Variants in BMPR1A observed in about 807,000 individuals in gnomAD.
BMPR1A encodes bone morphogenetic protein receptor type-1A.
BMPR1A carries 7 observed loss-of-function variants against 66.0 expected under a neutral mutation model. That is an observed-to-expected ratio of 0.11 (90% confidence interval 0.06 to 0.20). The LOEUF is 0.20. Ranked by LOEUF, BMPR1A falls within the 10% of genes least tolerant of loss-of-function variation. The pLI, the probability that BMPR1A is intolerant of heterozygous loss-of-function variation, is 1.00. For missense variants in BMPR1A, 408 were observed against 669.1 expected, an observed-to-expected ratio of 0.61 and a Z score of 4.31; for synonymous variants, 200 against 229.7, an observed-to-expected ratio of 0.87 and a Z score of 1.17.
intron 1 of BMPR1A, among the ~76,000 whole-genome samples, chr10:86,767,240 T>C (rs552266015): frequency 6.6e-6 from 1 of 152,382 alleles, no homozygotes; most frequent in Admixed American, 6.5e-5. Flanking sequence ...ATTTGTCTTA[T>C]ACTCTCAACT....
At chr10:86,822,027 G>A (rs138409317) in intron 1 of BMPR1A, among the ~76,000 whole-genome samples, 1 of 152,090 alleles carries the variant, frequency 6.6e-6, no homozygotes, top group East Asian at 1.9e-4. Context: ...GTCTCGAACT[G>A]CATGTTCCCA....
chr10:86,829,754 T>TA (rs1321549301), intron 1 of BMPR1A, among the ~76,000 whole-genome samples: 1 of 152,228 alleles, frequency 6.6e-6, no homozygotes, highest in Non-Finnish European at 1.5e-5. Flanking sequence ...CAACAGTTCT[T>TA]TCCTTTTTAT....
intron 2 of BMPR1A, among the ~76,000 whole-genome samples, chr10:86,842,705 A>G (rs538749040): frequency 1.6e-4 from 24 of 152,336 alleles, no homozygotes; most frequent in Admixed American, 2.0e-4. Context: ...TGTAAAGGAA[A>G]GAGGTTTAAT....
chr10:86,774,733 G>A (rs999821472), intron 1 of BMPR1A, among the ~76,000 whole-genome samples: 5 of 152,180 alleles, frequency 3.3e-5, no homozygotes, highest in Admixed American at 6.5e-5. Flanking sequence ...TGATACTATC[G>A]GATAAAGCTA....
At chr10:86,848,071 A>G (rs980852546) in intron 2 of BMPR1A, among the ~76,000 whole-genome samples, 2 of 151,858 alleles carry the variant, frequency 1.3e-5, no homozygotes, top group Non-Finnish European at 2.9e-5. Flanking sequence ...AGCTGGGACT[A>G]CAGGCGCCTG....
chr10:86,893,624 T>C (rs569251529), intron 5 of BMPR1A, among the ~76,000 whole-genome samples: 38 of 151,980 alleles, frequency 2.5e-4, no homozygotes, highest in Non-Finnish European at 4.6e-4. Flanking sequence ...CCGTCTCTAC[T>C]AAAAATACAA....
At chr10:86,795,007 A>G (rs1186914965) in intron 1 of BMPR1A, among the ~76,000 whole-genome samples, 5 of 151,770 alleles carry the variant, frequency 3.3e-5, no homozygotes, top group Admixed American at 3.3e-4. Context: ...ATGCACCACC[A>G]CAACTAGCTA....
At chr10:86,931,280 T>TACACACAC (rs1271685565), downstream of BMPR1A, 56 of 96,650 alleles carry the variant, frequency 5.8e-4, 1 homozygote, top group East Asian at 5.4e-3. Flanking sequence ...TATATATATA[T>TACACACAC]ACACACACAC....
intron 2 of BMPR1A, among the ~76,000 whole-genome samples, chr10:86,842,101 A>G (rs1004664711): frequency 3.3e-5 from 5 of 152,172 alleles, no homozygotes; most frequent in Admixed American, 6.5e-5. Flanking sequence ...AGCACAGGTA[A>G]AATAACCTGG....
In BMPR1A at chr10:86,890,116, A is replaced by G. The variant is rs1363945274; in HGVS notation, c.122A>G (p.Gln41Arg). 1 of 1,613,944 alleles carries G rather than the reference A, an allele frequency of 6.2e-7. No homozygotes were observed. Among genetic ancestry groups the G allele is most frequent in the African/African-American group, 1.3e-5 (1 of 74,936 alleles). The stretch of plus-strand genomic sequence containing the variant: ...ACTGGGATGAAATCAGACTCCGACC[A>G]GAAAAAGTCAGAAAATGGAGTAACC... ...HGTGMKSDSD[Q>R]KKSENGVTLA... The change falls in exon 4 of 13, where the codon CAG (glutamine) becomes CGG (arginine). Residue 41 changes from glutamine to arginine, a missense_variant. Coordinates refer to ENST00000372037, the MANE Select transcript of BMPR1A (RefSeq NM_004329.3).
At chr10:86,779,996 C>G (rs1841411142) in intron 1 of BMPR1A, among the ~76,000 whole-genome samples, 1 of 152,340 alleles carries the variant, frequency 6.6e-6, no homozygotes, top group African/African-American at 2.4e-5. Context: ...ACCTTGAACT[C>G]CTGGCCTCAA....
intron 2 of BMPR1A, among the ~76,000 whole-genome samples, chr10:86,863,762 T>A (rs1171565922): frequency 6.6e-6 from 1 of 152,042 alleles, no homozygotes; most frequent in Admixed American, 6.6e-5. Context: ...CTGAACTTTT[T>A]GTGGCAGGGA....
intron 2 of BMPR1A, among the ~76,000 whole-genome samples, chr10:86,873,279 T>C (rs938309110): frequency 2.0e-5 from 3 of 151,870 alleles, no homozygotes; most frequent in African/African-American, 7.3e-5. Context: ...TAACACTGGG[T>C]CGGTAATACG....
chr10:86,856,238 C>A, intron 2 of BMPR1A: 2 of 522,508 alleles, frequency 3.8e-6, no homozygotes. Flanking sequence ...TGAACTTCCC[C>A]TTTTAGAAGC....
Position 86,875,858 on chromosome 10 carries a change from G to T in BMPR1A, c.-152-9G>T. ...TATTCCTTACCTTTTAAATATTTTT[G>T]TCTTTCAGGAGTCGTAAGAAAGCAG... On this transcript the variant is annotated splice_polypyrimidine_tract_variant and intron_variant, in intron 2 of 12. Coordinates refer to ENST00000372037, the MANE Select transcript of BMPR1A (RefSeq NM_004329.3). 1.5e-6 allele frequency: 1 copy of T among 673,602 alleles called. No homozygotes were observed. The highest frequency in any genetic ancestry group is 2.6e-6 in the Non-Finnish European group (1 of 382,334). The allele number at this position is 673,602 out of a possible 1,614,324, so 41.7% of individuals were successfully genotyped here.
chr10:86,861,705 T>G (rs2133237259), intron 2 of BMPR1A, among the ~76,000 whole-genome samples: 1 of 152,344 alleles, frequency 6.6e-6, no homozygotes, highest in African/African-American at 2.4e-5. Context: ...TTTGGGGATG[T>G]GGTGTTTACT....
chr10:86,836,551 A>G (rs1280106017), intron 1 of BMPR1A, among the ~76,000 whole-genome samples: 2 of 152,152 alleles, frequency 1.3e-5, no homozygotes, highest in African/African-American at 4.8e-5. Context: ...TAATCTAAGC[A>G]CTTTGGGAGG....
chr10:86,799,381 T>C (rs1362178526), intron 1 of BMPR1A, among the ~76,000 whole-genome samples: 1 of 152,184 alleles, frequency 6.6e-6, no homozygotes, highest in Non-Finnish European at 1.5e-5. Flanking sequence ...CTTAGTAATG[T>C]GCTGGGCACA....
chr10:86,912,828 A>G (rs1282458670), intron 8 of BMPR1A, among the ~76,000 whole-genome samples: 5 of 151,056 alleles, frequency 3.3e-5, no homozygotes, highest in African/African-American at 1.2e-4. Flanking sequence ...TTCAACAGAT[A>G]TTCTTAGAGA....
Sources: gnomAD v4.1 joint callset for allele counts (sites outside exome capture counted in the v4.1 genomes callset) on GRCh38, gnomAD v4.1.1 for gene constraint, MANE v1.5 for transcripts, NCBI Gene and HGNC (gene_info 2026-07-23, HGNC 2026-07-21) for gene names.